Variants in ITPR2 observed in about 807,000 individuals in gnomAD.
ITPR2 encodes inositol 1,4,5-trisphosphate receptor type 2.
A neutral mutation model predicts 317.1 loss-of-function variants in ITPR2; 207 were observed. That is an observed-to-expected ratio of 0.65 (90% CI 0.58 to 0.73). The LOEUF is 0.73. Ranked by LOEUF, ITPR2 falls within the 30% of genes least tolerant of loss-of-function variation. ITPR2 has a pLI of 0.00. For missense variants in ITPR2, 2,613 were observed against 3,284.0 expected (o/e 0.80, Z 4.99); for synonymous variants, 1,156 against 1,149.1 (o/e 1.01, Z -0.12).
At chr12:26,542,911 G>A (rs7972922) in intron 37 of ITPR2, among the ~76,000 whole-genome samples, 8,481 of 152,176 alleles carry the variant, frequency 0.056, 335 homozygotes, top group Middle Eastern at 0.11. Context: ...TTCCACAGGC[G>A]ATCCATGAAT....
At chr12:26,642,055 T>C (rs1398387233) in intron 21 of ITPR2, among the ~76,000 whole-genome samples, 3 of 152,102 alleles carry the variant, frequency 2.0e-5, no homozygotes, top group Non-Finnish European at 4.4e-5. Context: ...GACTTCAAAA[T>C]GGCACAGAAA....
At position 26,567,983 on chromosome 12, in the gene ITPR2, TA is replaced by T. The variant is rs1366812824; in HGVS notation, c.4631-6032del. Reference sequence around the variant, plus strand: ...ATATATATATATTATATATATTATATATATATATATATATTATATATATTAT... The same window carrying T: ...ATATATATATATTATATATATTATATTATATATATATATTATATATATTAT... On this transcript the variant is annotated intron_variant, in intron 34 of 56. Transcript: ENST00000381340. Among the ~76,000 whole-genome samples, 3 of 9,078 alleles carry T rather than the reference TA, an allele frequency of 3.3e-4. 1 individual carries two copies. Among genetic ancestry groups the T allele is most frequent in the African/African-American group, 7.2e-4 (2 of 2,766 alleles). The allele number at this position is 9,078 out of a possible 152,430, so 6.0% of individuals were successfully genotyped here. A position where few individuals can be genotyped will look rare whatever the true frequency, so the allele number is the denominator to read the frequency against.
chr12:26,445,370 T>A (rs1042145624), intron 45 of ITPR2, among the ~76,000 whole-genome samples: 9 of 152,102 alleles, frequency 5.9e-5, no homozygotes, highest in African/African-American at 2.2e-4. Flanking sequence ...GTCGTCAGTA[T>A]ATGACTGATA....
chr12:26,798,542 T>C (rs1211088359), intron 1 of ITPR2, among the ~76,000 whole-genome samples: 1 of 152,262 alleles, frequency 6.6e-6, no homozygotes, highest in East Asian at 1.9e-4. Context: ...CACCGTAGTC[T>C]TAGAACACAT....
intron 10 of ITPR2, among the ~76,000 whole-genome samples, chr12:26,689,209 G>A (rs1200031837): frequency 1.3e-5 from 2 of 152,092 alleles, no homozygotes; most frequent in African/African-American, 2.4e-5. Context: ...CTGAGCTCAG[G>A]AGTTCAAGAC....
At chr12:26,455,001 A>G (rs1941845345) in intron 45 of ITPR2, among the ~76,000 whole-genome samples, 1 of 152,128 alleles carries the variant, frequency 6.6e-6, no homozygotes, top group African/African-American at 2.4e-5. Context: ...TATTCCAAGA[A>G]TGAGTCAATT....
At chr12:26,533,955 C>T (rs1944014321) in intron 37 of ITPR2, among the ~76,000 whole-genome samples, 2 of 152,178 alleles carry the variant, frequency 1.3e-5, no homozygotes, top group Admixed American at 1.3e-4. Context: ...CAATACAAGG[C>T]AGATTCCCCC....
At position 26,482,873 on chromosome 12, in the gene ITPR2, C is replaced by T. The variant is rs551320529; in HGVS notation, c.6012+825G>A. Among the ~76,000 whole-genome samples the T allele has an allele frequency of 1.7e-3, 259 of 152,298 alleles. 1 individual carries two copies. The highest frequency in any genetic ancestry group is 2.8e-3 in the Non-Finnish European group (191 of 68,022). ...CTTTTTCACAATTTTCTATGTCAAT[C>T]GTTGATGTTTGCTCTCAATGACTTT... is the stretch of plus-strand genomic sequence containing the variant. On this transcript the variant is annotated intron_variant, in intron 42 of 56. Transcript: ENST00000381340.
intron 21 of ITPR2, among the ~76,000 whole-genome samples, chr12:26,644,164 T>G (rs1591991731): frequency 6.6e-6 from 1 of 152,072 alleles, no homozygotes; most frequent in Non-Finnish European, 1.5e-5. Flanking sequence ...CCAAAAAGAT[T>G]TCAAAGGAGG....
intron 55 of ITPR2, among the ~76,000 whole-genome samples, chr12:26,383,352 T>C (rs528664200): frequency 6.6e-6 from 1 of 152,222 alleles, no homozygotes; most frequent in Non-Finnish European, 1.5e-5. Flanking sequence ...ACTAACACAG[T>C]GCTTTAATGG....
chr12:26,628,501 T>C (rs1356480938), intron 22 of ITPR2, among the ~76,000 whole-genome samples: 1 of 152,220 alleles, frequency 6.6e-6, no homozygotes, highest in African/African-American at 2.4e-5. Flanking sequence ...CCATTGTCTC[T>C]GGGAGGAGAC....
intron 26 of ITPR2, among the ~76,000 whole-genome samples, chr12:26,603,985 T>C (rs987646291): frequency 5.9e-5 from 9 of 152,116 alleles, no homozygotes; most frequent in African/African-American, 1.9e-4. Flanking sequence ...ACTATAATGA[T>C]GGTGTTAGGC....
At chr12:26,639,143 G>A (rs1946926918) in intron 21 of ITPR2, among the ~76,000 whole-genome samples, 1 of 152,158 alleles carries the variant, frequency 6.6e-6, no homozygotes, top group Admixed American at 6.5e-5. Context: ...GAGGGGGGAC[G>A]CAGGTGATGT....
At chr12:26,344,621 C>T (rs1938245266) in intron 55 of ITPR2, among the ~76,000 whole-genome samples, 1 of 146,940 alleles carries the variant, frequency 6.8e-6, no homozygotes, top group Non-Finnish European at 1.5e-5. Context: ...ATAGCTGGTG[C>T]CATTTGAGCC....
chr12:26,663,724 G>A lies in ITPR2; in HGVS notation c.1674C>T (p.Arg558=), dbSNP rs374912778. 176 of 1,613,116 alleles carry A rather than the reference G, an allele frequency of 1.1e-4. No homozygotes were observed. Among genetic ancestry groups the A allele is most frequent in the Non-Finnish European group, 1.4e-4 (162 of 1,179,780 alleles). The change falls in exon 15 of 57, where the codon CGC becomes CGT. Residue 558 remains arginine, a synonymous_variant. Coordinates refer to ENST00000381340, the MANE Select transcript of ITPR2 (RefSeq NM_002223.4). The part of the protein sequence containing the change: ...PYKYMLRLCY[R]VLRHSQQDYR... ...AATCCTGCTGCGAGTGTCTCAGGAC[G>A]CGGTAACAGAGCCGCAGCATGTACT...
chr12:26,573,586 T>A (rs550550872), intron 34 of ITPR2, among the ~76,000 whole-genome samples: 51 of 151,976 alleles, frequency 3.4e-4, no homozygotes, highest in Non-Finnish European at 4.6e-4. Flanking sequence ...AGACACTGCA[T>A]GGGGGGTGTT....
In ITPR2 at chr12:26,374,378, G is replaced by A. The variant is rs560145422; in HGVS notation, c.7857+13056C>T. ...CCATGGCTGTCTTTATCTCCTCTGC[G>A]TCCCTTTCCAGATGTGGGCGCAGCA... On this transcript the variant is annotated intron_variant, in intron 55 of 56. Coordinates refer to ENST00000381340, the MANE Select transcript of ITPR2 (RefSeq NM_002223.4). 1.8e-3 allele frequency among the ~76,000 whole-genome samples: 275 copies of A among 152,270 alleles called. 2 individuals are homozygous for A. The highest frequency in any genetic ancestry group is 6.2e-3 in the African/African-American group (259 of 41,558).
chr12:26,447,114 A>C (rs926198621), intron 45 of ITPR2, among the ~76,000 whole-genome samples: 6 of 152,044 alleles, frequency 3.9e-5, no homozygotes, highest in African/African-American at 1.4e-4. Context: ...TGTTCTCAGC[A>C]CTAAAAACAG....
At chr12:26,764,175 A>G (rs1375657) in intron 2 of ITPR2, among the ~76,000 whole-genome samples, 120,742 of 151,972 alleles carry the variant, frequency 0.79, 48,322 homozygotes, top group East Asian at 0.97. Flanking sequence ...CTAGACAAAG[A>G]CTTTTCACCC....
Sources: gnomAD v4.1 joint callset for allele counts (sites outside exome capture counted in the v4.1 genomes callset) on GRCh38, gnomAD v4.1.1 for gene constraint, MANE v1.5 for transcripts, NCBI Gene and HGNC (gene_info 2026-07-23, HGNC 2026-07-21) for gene names.